Variants in SMURF2 observed in about 807,000 individuals in gnomAD.
SMURF2 encodes the protein SMAD specific E3 ubiquitin protein ligase 2, also known as E3 ubiquitin-protein ligase SMURF2.
In SMURF2, 48 loss-of-function variants were observed where a neutral mutation model predicts 109.6. The observed-to-expected ratio is 0.44, with a 90% confidence interval of 0.35 to 0.56. The LOEUF is 0.56. Among genes scored for constraint, SMURF2 ranks in the 20% least tolerant of loss-of-function variants. SMURF2 has a pLI of 0.01. For missense variants in SMURF2, 575 were observed against 909.0 expected, an observed-to-expected ratio of 0.63 and a Z score of 4.72; for synonymous variants, 288 against 317.1, an observed-to-expected ratio of 0.91 and a Z score of 0.97.
chr17:64,612,788 C>G (rs1970062664), intron 1 of SMURF2, among the ~76,000 whole-genome samples: 1 of 152,028 alleles, frequency 6.6e-6, no homozygotes, highest in South Asian at 2.1e-4. Flanking sequence ...GTTTAACATT[C>G]AGTTTCAAAG....
chr17:64,609,759 C>G (rs899252888), intron 1 of SMURF2, among the ~76,000 whole-genome samples: 2 of 151,922 alleles, frequency 1.3e-5, no homozygotes, highest in African/African-American at 4.8e-5. Context: ...CAACAAAAGC[C>G]AAAATAGACA....
At chr17:64,655,607 G>GA (rs1224415616) in intron 1 of SMURF2, among the ~76,000 whole-genome samples, 2 of 151,528 alleles carry the variant, frequency 1.3e-5, no homozygotes, top group Non-Finnish European at 2.9e-5. Context: ...TTATGTGGAA[G>GA]AAAAAAATAA....
chr17:64,618,798 A>C (rs1970158452), intron 1 of SMURF2, among the ~76,000 whole-genome samples: 1 of 152,170 alleles, frequency 6.6e-6, no homozygotes, highest in Non-Finnish European at 1.5e-5. Context: ...CTTTTTGGCC[A>C]CTCCCAAGTT....
chr17:64,634,959 AC>A (rs1209552526), intron 1 of SMURF2, among the ~76,000 whole-genome samples: 1 of 152,222 alleles, frequency 6.6e-6, no homozygotes, highest in Non-Finnish European at 1.5e-5. Context: ...GGCAAAAGCC[AC>A]AAACATCATA....
At chr17:64,640,574 C>CT (rs1223093468) in intron 1 of SMURF2, among the ~76,000 whole-genome samples, 4 of 152,042 alleles carry the variant, frequency 2.6e-5, no homozygotes, top group Non-Finnish European at 4.4e-5. Flanking sequence ...TTACTTTTTT[C>CT]TTTTTTAATT....
At chr17:64,590,141 T>C (rs1555687527) in intron 5 of SMURF2, among the ~76,000 whole-genome samples, 1 of 134,314 alleles carries the variant, frequency 7.4e-6, no homozygotes, top group Non-Finnish European at 1.5e-5. Context: ...GAATTTTTCT[T>C]TTCTTTTTTT....
intron 1 of SMURF2, among the ~76,000 whole-genome samples, chr17:64,655,747 T>G (rs1390925263): frequency 1.3e-5 from 2 of 151,948 alleles, no homozygotes; most frequent in African/African-American, 4.8e-5. Context: ...AAAAAAAAAT[T>G]AGCTGGGAGT....
chr17:64,635,386 T>C (rs1162006848), intron 1 of SMURF2, among the ~76,000 whole-genome samples: 4 of 152,132 alleles, frequency 2.6e-5, no homozygotes, highest in African/African-American at 9.7e-5. Flanking sequence ...TTAAACTGTA[T>C]AATTCAATAA....
intron 9 of SMURF2, among the ~76,000 whole-genome samples, chr17:64,574,490 G>A (rs1452565143): frequency 6.6e-6 from 1 of 152,136 alleles, no homozygotes; most frequent in African/African-American, 2.4e-5. Context: ...TTTAAATAAA[G>A]TTTGTTTTAA....
chr17:64,636,937 A>C (rs558325158), intron 1 of SMURF2, among the ~76,000 whole-genome samples: 2 of 152,048 alleles, frequency 1.3e-5, no homozygotes, highest in Non-Finnish European at 2.9e-5. Context: ...GATAGAGTCT[A>C]GGCTGGGTGC....
chr17:64,563,171 A>C (rs187169697), intron 10 of SMURF2: 61 of 455,680 alleles, frequency 1.3e-4, no homozygotes, highest in East Asian at 1.0e-3. Flanking sequence ...AACTGACAGA[A>C]TTGGATAATG....
chr17:64,554,018 A>G (rs1278743369), intron 15 of SMURF2, among the ~76,000 whole-genome samples: 1 of 152,244 alleles, frequency 6.6e-6, no homozygotes, highest in Non-Finnish European at 1.5e-5. Context: ...CTCATAAGCC[A>G]AATTAGCCCA....
rs1447662481 is a variant in SMURF2, at chr17:64,562,840, T to C, written c.1143A>G (p.Gln381=). Reference sequence around the variant, plus strand: ...CCTGAGGCTGTTGTTGGGAAAGTTCTTGCCGCAAAATTTTTAGTTTCTGAA... The same window carrying C: ...CCTGAGGCTGTTGTTGGGAAAGTTCCTGCCGCAAAATTTTTAGTTTCTGAA... ...DLVQKLKILR[Q]ELSQQQPQAG... is the part of the protein sequence containing the mutation. The change falls in exon 11 of 19, where the codon CAA becomes CAG. Residue 381 remains glutamine (Q), a synonymous_variant. Coordinates refer to ENST00000262435, the MANE Select transcript of SMURF2 (RefSeq NM_022739.4). 14 of 1,614,212 alleles carry C rather than the reference T, an allele frequency of 8.7e-6. No individual in the cohort carries two copies. The highest frequency in any genetic ancestry group is 1.2e-5 in the Non-Finnish European group (14 of 1,180,028).
intron 1 of SMURF2, among the ~76,000 whole-genome samples, chr17:64,661,051 G>C (rs1970768091): frequency 1.3e-5 from 2 of 152,038 alleles, no homozygotes; most frequent in African/African-American, 2.4e-5. Flanking sequence ...TCGAAAGTTT[G>C]TATGAGCACA....
intron 16 of SMURF2, among the ~76,000 whole-genome samples, chr17:64,548,430 T>G (rs931718974): frequency 1.3e-5 from 2 of 152,142 alleles, no homozygotes; most frequent in African/African-American, 2.4e-5. Flanking sequence ...CTCTGTCTCC[T>G]AGGCTGGAGT....
intron 6 of SMURF2, among the ~76,000 whole-genome samples, chr17:64,584,347 CTTTCTTTTTT>C (rs1424915785): frequency 2.9e-5 from 4 of 138,084 alleles, no homozygotes; most frequent in Non-Finnish European, 1.5e-5. Flanking sequence ...GAAACAGCTA[CTTTCTTTTTT>C]TTTCTTTTTT....
At chr17:64,631,328 C>CAGAG (rs1282544902) in intron 1 of SMURF2, among the ~76,000 whole-genome samples, 2 of 65,022 alleles carry the variant, frequency 3.1e-5, no homozygotes, top group East Asian at 8.3e-4. Context: ...GAGAGAGAGA[C>CAGAG]AGAGAGAGAG....
intron 1 of SMURF2, among the ~76,000 whole-genome samples, chr17:64,613,719 T>C (rs1555689818): frequency 7.3e-6 from 1 of 137,252 alleles, no homozygotes; most frequent in African/African-American, 2.7e-5. Context: ...TGTGTGTGTG[T>C]GTGTGTGTGT....
intron 12 of SMURF2, among the ~76,000 whole-genome samples, chr17:64,560,054 AT>A (rs869202238): frequency 1.3e-3 from 192 of 143,644 alleles, no homozygotes; most frequent in Non-Finnish European, 1.4e-3. Context: ...ACCTGGCCAA[AT>A]TTTTTTTTTT....
Sources: allele counts gnomAD v4.1 joint callset (sites outside exome capture counted in the v4.1 genomes callset), GRCh38; gene constraint gnomAD v4.1.1; transcripts MANE v1.5; gene names NCBI Gene and HGNC (gene_info 2026-07-23, HGNC 2026-07-21).